FBP2: variants seen among roughly 807,000 people sequenced by gnomAD.
FBP2 encodes fructose-bisphosphatase 2, also known as fructose-1,6-bisphosphatase isozyme 2.
A neutral mutation model predicts 31.6 loss-of-function variants in FBP2; 27 were observed. That is an observed-to-expected ratio of 0.85 (90% CI 0.63 to 1.18). The LOEUF (loss-of-function observed/expected upper bound fraction) is 1.18. FBP2 is among the 50% of genes most tolerant of loss of function. FBP2 has a pLI of 0.00. For synonymous variants in FBP2, 168 were observed against 179.8 expected, an observed-to-expected ratio of 0.93 and a Z score of 0.53; for missense variants, 421 against 436.1, an observed-to-expected ratio of 0.97 and a Z score of 0.31.
intron 3 of FBP2, among the ~76,000 whole-genome samples, chr9:94,578,481 T>C (rs918334093): frequency 1.2e-4 from 18 of 152,150 alleles, no homozygotes; most frequent in Non-Finnish European, 2.2e-4. Flanking sequence ...TTCTGTAATT[T>C]AAAATCTTAA....
At chr9:94,560,935 C>G (rs1299369005) in intron 6 of FBP2, among the ~76,000 whole-genome samples, 1 of 151,894 alleles carries the variant, frequency 6.6e-6, no homozygotes, top group Non-Finnish European at 1.5e-5. Flanking sequence ...AGACCTCTGG[C>G]TCTTAAAGTA....
intron 6 of FBP2, 81 bp downstream of exon 6, chr9:94,563,261 T>C: frequency 6.6e-7 from 1 of 1,504,362 alleles, no homozygotes; most frequent in Non-Finnish European, 9.0e-7. Context: ...AGCAGTGCAG[T>C]AGCCAAACAG....
chr9:94,581,802 G>A (rs1253760986), intron 3 of FBP2, among the ~76,000 whole-genome samples: 1 of 152,250 alleles, frequency 6.6e-6, no homozygotes, highest in Admixed American at 6.5e-5. Context: ...AGCGGGATCA[G>A]ACAGGCCTCC....
In FBP2 at chr9:94,567,420, A is replaced by G. The variant is rs201102588; in HGVS notation, c.568-13T>C. The G allele has an allele frequency of 1.2e-5, 19 of 1,612,002 alleles. No homozygotes were observed. The highest frequency in any genetic ancestry group is 1.5e-5 in the Non-Finnish European group (18 of 1,179,804). ...ATTCACCAAGAGCCTAGCAACATGA[A>G]GAGAGATGCCAGGAAGAAGAGAGAA... On this transcript the variant is annotated splice_polypyrimidine_tract_variant and intron_variant, in intron 4 of 6. Transcript: ENST00000375337.
chr9:94,588,816 C>CG (rs771995353), intron 1 of FBP2, among the ~76,000 whole-genome samples: 513 of 152,246 alleles, frequency 3.4e-3, no homozygotes, highest in Non-Finnish European at 5.5e-3. Flanking sequence ...TCTCTGCGCC[C>CG]GGGTTGGCAT....
intron 3 of FBP2, among the ~76,000 whole-genome samples, chr9:94,583,609 ATTGT>A (rs1827394340): frequency 6.6e-6 from 1 of 151,936 alleles, no homozygotes; most frequent in Non-Finnish European, 1.5e-5. Flanking sequence ...GTTGCTATGG[ATTGT>A]TTGTTTGAGA....
chr9:94,561,271 C>T (rs2131439616), intron 6 of FBP2, among the ~76,000 whole-genome samples: 1 of 151,492 alleles, frequency 6.6e-6, no homozygotes, highest in Admixed American at 6.6e-5. Context: ...CCTCAGATGC[C>T]CCTGTTGTAG....
intron 6 of FBP2, among the ~76,000 whole-genome samples, chr9:94,561,240 G>A (rs906223282): frequency 1.8e-4 from 28 of 151,938 alleles, no homozygotes; most frequent in African/African-American, 6.8e-4. Context: ...TTGTCTTGGA[G>A]CCAAGTTACT....
intron 3 of FBP2, among the ~76,000 whole-genome samples, chr9:94,579,214 T>A (rs2460137): frequency 1.3e-5 from 2 of 150,130 alleles, no homozygotes; most frequent in Admixed American, 1.3e-4. Context: ...CTGGCTAACA[T>A]GGTGAAACCC....
At chr9:94,586,378 G>A (rs1015650191) in intron 2 of FBP2, among the ~76,000 whole-genome samples, 7 of 152,030 alleles carry the variant, frequency 4.6e-5, no homozygotes, top group Non-Finnish European at 8.8e-5. Flanking sequence ...GCAAGACTCC[G>A]TCTCAAAAAA....
intron 4 of FBP2, chr9:94,567,985 G>A (rs478563): frequency 0.49 from 74,949 of 151,820 alleles, 19,216 homozygotes; most frequent in African/African-American, 0.63. Flanking sequence ...AAAATTGGCC[G>A]GGCGTGGTGG....
intron 2 of FBP2, 25 bp downstream of exon 2, chr9:94,587,282 C>T: frequency 1.3e-6 from 2 of 1,582,476 alleles, no homozygotes; most frequent in Non-Finnish European, 1.7e-6. Context: ...TACTGGCGAG[C>T]GGGCACCGCA....
At chr9:94,568,725 CAA>C (rs1360859979) in intron 4 of FBP2, 1 of 152,170 alleles carries the variant, frequency 6.6e-6, no homozygotes, top group African/African-American at 2.4e-5. Flanking sequence ...GACTCAATAA[CAA>C]AAACAACTAA....
At chr9:94,584,461 C>G (rs1738634328) in intron 3 of FBP2, 116 bp downstream of exon 3, 3 of 689,392 alleles carry the variant, frequency 4.4e-6, no homozygotes, top group Non-Finnish European at 7.8e-6. Flanking sequence ...CCTACAGTGG[C>G]TTTTCTCGTT....
At chr9:94,583,496 T>G (rs1260604513) in intron 3 of FBP2, among the ~76,000 whole-genome samples, 1 of 152,208 alleles carries the variant, frequency 6.6e-6, no homozygotes, top group African/African-American at 2.4e-5. Context: ...TGCCATAGAT[T>G]CCCTATCTCA....
At chr9:94,571,353 C>T (rs1048569701) in intron 4 of FBP2, 109 bp downstream of exon 4, 2 of 1,200,800 alleles carry the variant, frequency 1.7e-6, no homozygotes, top group East Asian at 2.7e-5. Context: ...ACCCCTGGTC[C>T]CCAAAACAAG....
chr9:94,592,607 T>C (rs1827514436), intron 1 of FBP2, among the ~76,000 whole-genome samples: 3 of 152,200 alleles, frequency 2.0e-5, no homozygotes, highest in Admixed American at 2.0e-4. Context: ...CGATCTCGAC[T>C]CACCGCAACC....
At chr9:94,588,510 C>T (rs555474602) in intron 1 of FBP2, among the ~76,000 whole-genome samples, 22 of 152,220 alleles carry the variant, frequency 1.4e-4, no homozygotes, top group African/African-American at 4.1e-4. Flanking sequence ...GTAGTCCCAG[C>T]TACTTTGGAG....
intron 4 of FBP2, chr9:94,570,467 A>C (rs1306132556): frequency 6.6e-6 from 1 of 152,226 alleles, no homozygotes. Context: ...ATTTAAATGC[A>C]TTAATAGATG....
Sources: allele counts gnomAD v4.1 joint callset (sites outside exome capture counted in the v4.1 genomes callset), GRCh38; gene constraint gnomAD v4.1.1; transcripts MANE v1.5; gene names NCBI Gene and HGNC (gene_info 2026-07-23, HGNC 2026-07-21).